The following SDK1 variants were observed in gnomAD, a reference collection of about 807,000 sequenced individuals.
SDK1 encodes protein sidekick-1.
A neutral mutation model predicts 245.5 loss-of-function variants in SDK1; 157 were observed. The ratio of observed to expected loss-of-function variants is 0.64; its 90% CI spans 0.56 to 0.73. The LOEUF (loss-of-function observed/expected upper bound fraction) is 0.73. Among genes scored for constraint, SDK1 ranks in the 30% least tolerant of loss-of-function variants. SDK1 has a pLI of 0.00. For synonymous variants in SDK1, 1,647 were observed against 1,278.5 expected, an observed-to-expected ratio of 1.29 and a Z score of -6.15; for missense variants, 3,583 against 3,002.3, an observed-to-expected ratio of 1.19 and a Z score of -4.52.
At chr7:3,503,277 A>G (rs1041958426) in intron 1 of SDK1, among the ~76,000 whole-genome samples, 6 of 152,216 alleles carry the variant, frequency 3.9e-5, no homozygotes, top group Admixed American at 2.0e-4. Context: ...TATTTGGAAG[A>G]ATTGGATTAT....
At chr7:4,146,038 G>C (rs1226548171) in intron 29 of SDK1, 122 bp downstream of exon 29, 1 of 834,780 alleles carries the variant, frequency 1.2e-6, no homozygotes, top group African/African-American at 1.7e-5. Context: ...AAAGAGAAGG[G>C]ATGTGAGCAT....
chr7:3,867,671 C>A (rs1198036760), intron 5 of SDK1, among the ~76,000 whole-genome samples: 10 of 152,182 alleles, frequency 6.6e-5, no homozygotes, highest in Non-Finnish European at 1.5e-4. Flanking sequence ...TTACCTCCCA[C>A]CAGGTCCCTC....
intron 4 of SDK1, among the ~76,000 whole-genome samples, chr7:3,718,541 A>G (rs1162546913): frequency 2.7e-4 from 9 of 33,124 alleles, no homozygotes; most frequent in Non-Finnish European, 5.7e-4. Flanking sequence ...ATAAATAAAT[A>G]AATAAATAAA....
At chr7:4,090,855 AC>A in intron 22 of SDK1, among the ~76,000 whole-genome samples, 1 of 151,700 alleles carries the variant, frequency 6.6e-6, no homozygotes, top group Non-Finnish European at 1.5e-5. Context: ...TCACACTATC[AC>A]CTCCAAATAC....
chr7:3,348,294 C>G (rs538302392), intron 1 of SDK1, among the ~76,000 whole-genome samples: 1 of 152,238 alleles, frequency 6.6e-6, no homozygotes, highest in South Asian at 2.1e-4. Context: ...TGGAATAATG[C>G]TAGTACCTGA....
intron 44 of SDK1, among the ~76,000 whole-genome samples, chr7:4,248,849 G>A (rs180794827): frequency 6.6e-5 from 10 of 151,818 alleles, no homozygotes; most frequent in East Asian, 5.9e-4. Context: ...ATGCATGTAC[G>A]CATGCATATA....
chr7:3,305,309 C>T (rs1483700666), intron 1 of SDK1, among the ~76,000 whole-genome samples: 1 of 152,146 alleles, frequency 6.6e-6, no homozygotes, highest in Non-Finnish European at 1.5e-5. Flanking sequence ...TCAAGTGATT[C>T]TTGTATGTTT....
chr7:3,626,788 C>A (rs183984864), intron 2 of SDK1, among the ~76,000 whole-genome samples: 2 of 152,148 alleles, frequency 1.3e-5, no homozygotes, highest in African/African-American at 2.4e-5. Context: ...GAGTCAAATT[C>A]TCTGGGTCCC....
intron 4 of SDK1, among the ~76,000 whole-genome samples, chr7:3,818,425 A>G (rs1395997956): frequency 6.6e-6 from 1 of 152,222 alleles, no homozygotes; most frequent in Non-Finnish European, 1.5e-5. Flanking sequence ...TATTGTGGAA[A>G]AACTGGAAAA....
At chr7:4,221,185 A>G in intron 39 of SDK1, 54 bp from the exon 40 acceptor site, 1 of 1,602,080 alleles carries the variant, frequency 6.2e-7, no homozygotes, top group Middle Eastern at 1.8e-4. Flanking sequence ...ACGGGGTGGG[A>G]TGTGAGCCCC....
chr7:3,943,124 A>G (rs1336720477), intron 5 of SDK1, among the ~76,000 whole-genome samples: 1 of 152,206 alleles, frequency 6.6e-6, no homozygotes. Context: ...AGAGTAAACC[A>G]AAATGTAGGA....
Position 3,959,793 on chromosome 7 carries a change from CT to C in SDK1, c.1234+790del, listed in dbSNP as rs796300551. ...ATAGTATTTGAATAGGAAATGTTACCTTTTTTTTTTTGCCTTTTCAGCTCTG... is the reference window on the plus strand; with the variant it reads ...ATAGTATTTGAATAGGAAATGTTACCTTTTTTTTTTGCCTTTTCAGCTCTG... On this transcript the variant is annotated intron_variant, in intron 8 of 44. Transcript: ENST00000404826. 2.2e-3 allele frequency among the ~76,000 whole-genome samples: 322 copies of C among 145,230 alleles called. 1 individual carries two copies. Among genetic ancestry groups the C allele is most frequent in the Non-Finnish European group, 2.8e-3 (185 of 65,558 alleles).
intron 1 of SDK1, among the ~76,000 whole-genome samples, chr7:3,353,506 T>G (rs142476176): frequency 6.6e-6 from 1 of 152,344 alleles, no homozygotes; most frequent in African/African-American, 2.4e-5. Flanking sequence ...GCATATGTTC[T>G]CTGTTTATGC....
At chr7:3,522,662 A>G (rs1389256764) in intron 1 of SDK1, among the ~76,000 whole-genome samples, 4 of 152,264 alleles carry the variant, frequency 2.6e-5, no homozygotes, top group Admixed American at 6.5e-5. Context: ...TATAGTCTTC[A>G]AAACTGCCAG....
intron 1 of SDK1, among the ~76,000 whole-genome samples, chr7:3,453,491 A>G (rs536764951): frequency 4.4e-4 from 67 of 152,214 alleles, no homozygotes; most frequent in Non-Finnish European, 7.3e-4. Context: ...AAATGCCAGT[A>G]CAAATATCCA....
At chr7:3,497,973 G>A (rs1052424120) in intron 1 of SDK1, among the ~76,000 whole-genome samples, 4 of 152,158 alleles carry the variant, frequency 2.6e-5, no homozygotes, top group African/African-American at 9.7e-5. Context: ...ACCTTATCAC[G>A]GAGACAGCTT....
At chr7:3,682,112 T>A (rs756806611) in intron 4 of SDK1, among the ~76,000 whole-genome samples, 35 of 152,216 alleles carry the variant, frequency 2.3e-4, no homozygotes, top group Admixed American at 2.2e-3. Context: ...CCAGTGAAGA[T>A]TATGATGCTA....
intron 2 of SDK1, among the ~76,000 whole-genome samples, chr7:3,636,178 C>G (rs57706293): frequency 6.6e-6 from 1 of 152,118 alleles, no homozygotes; most frequent in African/African-American, 2.4e-5. Context: ...TCCATCACCT[C>G]CAGAAGTTTC....
chr7:3,664,325 C>T (rs572778540), intron 4 of SDK1, among the ~76,000 whole-genome samples: 1 of 152,268 alleles, frequency 6.6e-6, no homozygotes, highest in Admixed American at 6.5e-5. Context: ...AGGGCAACTC[C>T]AGCTAAAATG....
Sources: gnomAD v4.1 joint callset for allele counts (sites outside exome capture counted in the v4.1 genomes callset) on GRCh38, gnomAD v4.1.1 for gene constraint, MANE v1.5 for transcripts, NCBI Gene and HGNC (gene_info 2026-07-23, HGNC 2026-07-21) for gene names.